The following ARAP1 variants were observed in gnomAD, a reference collection of about 807,000 sequenced individuals.
The protein encoded by ARAP1 is arf-GAP with Rho-GAP domain, ANK repeat and PH domain-containing protein 1.
ARAP1 carries 76 observed loss-of-function variants against 172.2 expected under a neutral mutation model. The observed-to-expected ratio is 0.44, with a 90% CI of 0.37 to 0.53. ARAP1 has a LOEUF of 0.53. ARAP1 is among the 20% of genes least tolerant of loss of function. ARAP1 has a pLI of 0.00. For missense variants in ARAP1, 1,686 were observed against 1,977.5 expected (o/e 0.85, Z 2.80); for synonymous variants, 804 against 803.3 (o/e 1.00, Z -0.01).
intron 34 of ARAP1, 114 bp downstream of exon 34, chr11:72,685,928 G>A: frequency 6.3e-7 from 1 of 1,581,426 alleles, no homozygotes; most frequent in Non-Finnish European, 8.7e-7. Context: ...CTGGAGGGAG[G>A]GGGCCGGAGG....
chr11:72,693,296 C>G lies in ARAP1; in HGVS notation c.3954+29G>C. On this transcript the variant is annotated intron_variant, in intron 29 of 34. Transcript: ENST00000393609. The surrounding 1 kb of genome is among the most constrained non-coding windows in gnomAD (Gnocchi z 4.6). ...ACATTCAGGTGTACAGGTGCCCACCCTGGGGCAGAACCCAGCGGGGCCACT... is the reference window on the plus strand; with the variant it reads ...ACATTCAGGTGTACAGGTGCCCACCGTGGGGCAGAACCCAGCGGGGCCACT... 6.2e-7 allele frequency: 1 copy of G among 1,609,808 alleles called. No homozygotes were observed. The highest frequency in any genetic ancestry group is 1.3e-5 in the African/African-American group (1 of 74,968).
intron 12 of ARAP1, among the ~76,000 whole-genome samples, chr11:72,706,118 G>GC (rs1370368681): frequency 3.9e-5 from 6 of 152,256 alleles, no homozygotes; most frequent in African/African-American, 1.2e-4. Flanking sequence ...TCTGCAACTG[G>GC]CCCCCTGGAA....
intron 34 of ARAP1, 103 bp from the exon 35 acceptor site, chr11:72,685,784 C>T (rs781057706): frequency 2.5e-5 from 37 of 1,505,352 alleles, no homozygotes; most frequent in Admixed American, 2.4e-4. Flanking sequence ...CACTGCCAGC[C>T]GGGGAGCACT....
At chr11:72,691,552 G>T (rs1855932165) in intron 30 of ARAP1, among the ~76,000 whole-genome samples, 1 of 152,202 alleles carries the variant, frequency 6.6e-6, no homozygotes, top group Non-Finnish European at 1.5e-5. Context: ...TTCCCACAGG[G>T]TTAGCAGGAG....
At position 72,711,126 on chromosome 11, in the gene ARAP1, G is replaced by A. The variant is rs200779197; in HGVS notation, c.1108C>T (p.Arg370Cys). The A allele has an allele frequency of 1.8e-4, 285 of 1,614,056 alleles. 1 individual carries two copies. The highest frequency in any genetic ancestry group is 2.5e-4 in the Admixed American group (15 of 60,008). The change falls in exon 9 of 35, where the codon CGC becomes TGC. Residue 370 changes from arginine (R) to cysteine (C), a missense_variant. Physicochemically the swap from Arg to Cys is radical, Grantham distance 180. Around this residue, in one of 5 missense-constraint regions of ARAP1, gnomAD observed 688 missense variants for 856.9 expected, o/e 0.80. Coordinates refer to ENST00000393609, the MANE Select transcript of ARAP1 (RefSeq NM_001040118.3). ...GAGATGCAGGCCACAGAGATAAAGC[G>A]CTTAGAGTAAGCGTCCTGGGGGAGA... ...FDSNKDAYSK[R>C]FISVACISHV...
rs368732834 is a variant in ARAP1 at position 72,695,579 on chromosome 11, A to T, written c.3470T>A (p.Val1157Glu). The change falls in exon 25 of 35, where the codon GTG becomes GAG. Residue 1157 changes from valine (V) to glutamate (E), a missense_variant. By Grantham distance (121) the Val-to-Glu change is moderately radical. This residue lies in a region of ARAP1 where 379 missense variants were observed against 500.1 expected (regional missense o/e 0.76). Transcript: ENST00000393609. This position sits in a 1 kb window ranked among gnomAD's most constrained non-coding sequence, Gnocchi z 4.4. ...RKQREEITAIVKMRVAGTASG... is the reference protein window; with the variant it reads ...RKQREEITAIEKMRVAGTASG... The stretch of plus-strand genomic sequence containing the variant: ...GGCAGTGCCAGCCACGCGCATCTTC[A>T]CAATGGCAGTGATCTCCTCCCGCTG... 6.2e-7 allele frequency: 1 copy of T among 1,614,122 alleles called. No homozygotes were observed. The highest frequency in any genetic ancestry group is 1.7e-5 in the Admixed American group (1 of 60,028).
At position 72,709,851 on chromosome 11, in the gene ARAP1, C is replaced by G; in HGVS notation, c.1523+19G>C. The G allele has an allele frequency of 6.2e-7, 1 of 1,613,056 alleles. No individual in the cohort carries two copies. Among genetic ancestry groups the G allele is most frequent in the Non-Finnish European group, 8.5e-7 (1 of 1,179,112 alleles). ...GGAAGGAGTGAGGATGCCGGTGAGC[C>G]AAGAAGATGGAGGGTCACCTGAAGA... On this transcript the variant is annotated intron_variant, in intron 11 of 34. Coordinates refer to ENST00000393609, the MANE Select transcript of ARAP1 (RefSeq NM_001040118.3).
chr11:72,739,086 C>T (rs987102007), intron 1 of ARAP1, among the ~76,000 whole-genome samples: 1 of 152,184 alleles, frequency 6.6e-6, no homozygotes, highest in African/African-American at 2.4e-5. Flanking sequence ...CCAGAGGGTG[C>T]AGAAGTGGCC....
chr11:72,709,291 G>A (rs1168900312), intron 11 of ARAP1, among the ~76,000 whole-genome samples: 2 of 152,236 alleles, frequency 1.3e-5, no homozygotes, highest in African/African-American at 4.8e-5. Context: ...ACTTCCCCAG[G>A]AAACTGAGGC....
chr11:72,719,994 C>T (rs998208108), intron 3 of ARAP1, among the ~76,000 whole-genome samples: 4 of 152,154 alleles, frequency 2.6e-5, no homozygotes, highest in Non-Finnish European at 5.9e-5. Context: ...TGGGGCTCCC[C>T]ACAATTCTGA....
intron 1 of ARAP1, among the ~76,000 whole-genome samples, chr11:72,746,711 G>A (rs1565234838): frequency 1.4e-5 from 2 of 139,484 alleles, no homozygotes; most frequent in Non-Finnish European, 3.0e-5. Flanking sequence ...GTTGGTTTCT[G>A]TCCTGACCTG....
At chr11:72,696,210 G>T (rs143795487) in intron 23 of ARAP1, among the ~76,000 whole-genome samples, 2 of 152,146 alleles carry the variant, frequency 1.3e-5, no homozygotes, top group Admixed American at 1.3e-4. Context: ...TAAGGAGCGC[G>T]CCACCTCCCA....
intron 1 of ARAP1, among the ~76,000 whole-genome samples, chr11:72,747,722 T>C (rs542782953): frequency 5.3e-5 from 8 of 152,242 alleles, no homozygotes; most frequent in East Asian, 3.9e-4. Flanking sequence ...CCAAGGTGGA[T>C]AGGACAATAG....
rs527725840 is a variant in ARAP1, at chr11:72,726,425, C to A, written c.509+195G>T. 6.6e-6 allele frequency among the ~76,000 whole-genome samples: 1 copy of A among 152,200 alleles called. No homozygotes were observed. The highest frequency in any genetic ancestry group is 2.4e-5 in the African/African-American group (1 of 41,440). On this transcript the variant is annotated intron_variant, in intron 3 of 34. Transcript: ENST00000393609. The surrounding 1 kb of genome is among the most constrained non-coding windows in gnomAD (Gnocchi z 6.5). ...CACACGCCCAGCAGCCCAGGCACTG[C>A]GCTGAGTACCTGCACAGCTCTCCCC...
chr11:72,710,341 T>A lies in ARAP1; in HGVS notation c.1416+44A>T, dbSNP rs993262812. 1.2e-6 allele frequency: 2 copies of A among 1,607,134 alleles called. No individual in the cohort carries two copies. The highest frequency in any genetic ancestry group is 2.7e-5 in the African/African-American group (2 of 74,844). On this transcript the variant is annotated intron_variant, in intron 10 of 34. Transcript: ENST00000393609. The surrounding 1 kb of genome is among the most constrained non-coding windows in gnomAD (Gnocchi z 4.3). ...GGCCCTAGGTCAGCCTGGGGCAGGG[T>A]AGGTGGACATGGGCAGGGGAGAGGT...
chr11:72,712,668 C>T, intron 5 of ARAP1, 100 bp from the exon 6 acceptor site: 2 of 1,571,780 alleles, frequency 1.3e-6, no homozygotes, highest in Non-Finnish European at 1.7e-6. Context: ...CCCCGACCCA[C>T]ACAGCCCAGC....
chr11:72,716,712 C>T (rs1857288004), intron 3 of ARAP1, among the ~76,000 whole-genome samples: 1 of 152,244 alleles, frequency 6.6e-6, no homozygotes, highest in African/African-American at 2.4e-5. Context: ...CACTGTGAGA[C>T]CCAGTCCTTC....
intron 30 of ARAP1, among the ~76,000 whole-genome samples, chr11:72,691,105 T>C (rs764692610): frequency 1.3e-5 from 2 of 152,210 alleles, no homozygotes; most frequent in Non-Finnish European, 2.9e-5. Context: ...GAATACAAGC[T>C]TGCGTTTCCA....
At chr11:72,713,019 C>A in intron 5 of ARAP1, 157 bp downstream of exon 5, 2 of 782,162 alleles carry the variant, frequency 2.6e-6, no homozygotes, top group South Asian at 3.5e-5. Flanking sequence ...CTACACGTGA[C>A]TCCTGACCCC....
Sources: allele counts gnomAD v4.1 joint callset (sites outside exome capture counted in the v4.1 genomes callset), GRCh38; gene constraint gnomAD v4.1.1; regional missense constraint gnomAD v4.1.1; non-coding constraint Gnocchi (gnomAD v3.1); transcripts MANE v1.5; gene names NCBI Gene and HGNC (gene_info 2026-07-23, HGNC 2026-07-21).